The following EEIG1 variants were observed in gnomAD, a reference collection of about 807,000 sequenced individuals.
EEIG1 encodes estrogen-induced osteoclastogenesis regulator 1.
At chr9:127,949,963 G>T in the EEIG1 span, among the ~76,000 whole-genome samples, 1 of 152,224 alleles carries the variant, frequency 6.6e-6, no homozygotes, top group Non-Finnish European at 1.5e-5. Context: ...GTCACTTGGG[G>T]AAGAGTTAGG....
At chr9:127,963,078 G>C in the EEIG1 span, among the ~76,000 whole-genome samples, 1 of 152,250 alleles carries the variant, frequency 6.6e-6, no homozygotes, top group East Asian at 1.9e-4. Flanking sequence ...ATAATGGCCA[G>C]AAGGCAGGCA....
chr9:127,980,081 C>T, the EEIG1 span: 1 of 1,613,962 alleles, frequency 6.2e-7, no homozygotes, highest in Non-Finnish European at 8.5e-7. Flanking sequence ...CAGTCAGCTC[C>T]TCCAGGGTGA....
chr9:127,968,966 T>C, the EEIG1 span, among the ~76,000 whole-genome samples: 661 of 152,264 alleles, frequency 4.3e-3, 5 homozygotes, highest in African/African-American at 0.015. Flanking sequence ...ACTCCACACA[T>C]ATGTACTGAG....
At chr9:127,954,670 G>A in the EEIG1 span, among the ~76,000 whole-genome samples, 1 of 152,112 alleles carries the variant, frequency 6.6e-6, no homozygotes, top group Non-Finnish European at 1.5e-5. Context: ...AAAGAAACTG[G>A]GGGCCCGGAG....
the EEIG1 span, among the ~76,000 whole-genome samples, chr9:127,955,400 C>T: frequency 1.3e-5 from 2 of 152,384 alleles, no homozygotes; most frequent in Admixed American, 6.5e-5. Flanking sequence ...AAACCCAGGA[C>T]TGTATGACTT....
the EEIG1 span, chr9:127,950,646 G>T: frequency 6.6e-7 from 1 of 1,513,770 alleles, no homozygotes; most frequent in Non-Finnish European, 8.8e-7. Context: ...GACAGATAAA[G>T]CCCCTGGGCC....
At chr9:127,957,647 C>T in the EEIG1 span, among the ~76,000 whole-genome samples, 1 of 152,242 alleles carries the variant, frequency 6.6e-6, no homozygotes, top group African/African-American at 2.4e-5. Context: ...GAATAGTCAA[C>T]ATAATCTTTA....
At chr9:127,979,630 T>A in the EEIG1 span, among the ~76,000 whole-genome samples, 1 of 152,204 alleles carries the variant, frequency 6.6e-6, no homozygotes, top group African/African-American at 2.4e-5. Flanking sequence ...TTGAATCATA[T>A]GACAGCCCCA....
chr9:127,962,575 T>G, the EEIG1 span, among the ~76,000 whole-genome samples: 1 of 151,950 alleles, frequency 6.6e-6, no homozygotes, highest in African/African-American at 2.4e-5. Context: ...GGCCTGTGAG[T>G]GCTAAGAGGG....
the EEIG1 span, among the ~76,000 whole-genome samples, chr9:127,945,129 C>T: frequency 2.6e-5 from 4 of 152,126 alleles, no homozygotes; most frequent in African/African-American, 9.7e-5. This position sits in a 1 kb window ranked among gnomAD's most constrained non-coding sequence, Gnocchi z 6.5. Flanking sequence ...CTTCCTAAGG[C>T]CACCTAGCAG....
chr9:127,972,342 A>G, the EEIG1 span, among the ~76,000 whole-genome samples: 1 of 152,154 alleles, frequency 6.6e-6, no homozygotes, highest in Non-Finnish European at 1.5e-5. The surrounding 1 kb of genome is among the most constrained non-coding windows in gnomAD (Gnocchi z 4.3). Flanking sequence ...CTCTCCCAGC[A>G]GCACCTCATC....
the EEIG1 span, chr9:127,950,667 C>T: frequency 5.5e-6 from 8 of 1,461,914 alleles, no homozygotes; most frequent in Admixed American, 2.4e-5. Flanking sequence ...AGCCCCACAG[C>T]CTCGACTGAC....
chr9:127,979,346 C>G, the EEIG1 span, among the ~76,000 whole-genome samples: 1 of 152,258 alleles, frequency 6.6e-6, no homozygotes, highest in Non-Finnish European at 1.5e-5. Context: ...CAGTTGCATT[C>G]AGCAACAAGC....
chr9:127,973,560 G>A, the EEIG1 span, among the ~76,000 whole-genome samples: 3 of 152,238 alleles, frequency 2.0e-5, no homozygotes, highest in African/African-American at 4.8e-5. This position sits in a 1 kb window ranked among gnomAD's most constrained non-coding sequence, Gnocchi z 4.2. Flanking sequence ...CCTGCCAACA[G>A]TGCAGCCAGC....
the EEIG1 span, among the ~76,000 whole-genome samples, chr9:127,950,909 G>A: frequency 1.8e-4 from 28 of 152,228 alleles, no homozygotes; most frequent in African/African-American, 6.8e-4. Flanking sequence ...AGGCAGGGGA[G>A]GAGGGAAGGC....
At chr9:127,958,891 C>T in the EEIG1 span, among the ~76,000 whole-genome samples, 1 of 152,132 alleles carries the variant, frequency 6.6e-6, no homozygotes. Context: ...CTCCAAAGAA[C>T]ATACACAAGT....
the EEIG1 span, chr9:127,948,346 C>T: frequency 6.8e-6 from 11 of 1,613,896 alleles, no homozygotes; most frequent in Admixed American, 1.8e-4. Flanking sequence ...CATCCGCTCC[C>T]TAGGCCTGTG....
the EEIG1 span, chr9:127,943,415 G>T: frequency 1.6e-6 from 1 of 631,856 alleles, no homozygotes; most frequent in Non-Finnish European, 2.9e-6. Flanking sequence ...GACACAGATA[G>T]TAAGCATCAG....
chr9:127,944,947 G>C, the EEIG1 span: 1 of 1,590,646 alleles, frequency 6.3e-7, no homozygotes, highest in Non-Finnish European at 8.6e-7. Context: ...GGCAGTAACA[G>C]GTACAAGCAC....
Sources: gnomAD v4.1 joint callset for allele counts (sites outside exome capture counted in the v4.1 genomes callset) on GRCh38, gnomAD v4.1.1 for gene constraint, Gnocchi (gnomAD v3.1) non-coding constraint, MANE v1.5 for transcripts, NCBI Gene and HGNC (gene_info 2026-07-23, HGNC 2026-07-21) for gene names.